GDF10: variants seen among roughly 807,000 people sequenced by gnomAD.
GDF10 encodes growth differentiation factor 10.
In GDF10, 23 loss-of-function variants were observed where a neutral mutation model predicts 32.1. The observed-to-expected ratio is 0.72, with a 90% CI of 0.52 to 1.02. The LOEUF (loss-of-function observed/expected upper bound fraction) is 1.02, where lower values mean the gene tolerates loss of function less well. GDF10 is among the 50% of genes least tolerant of loss of function. GDF10 has a pLI of 0.00. For synonymous variants in GDF10, 328 were observed against 303.1 expected (o/e 1.08, Z -0.85); for missense variants, 764 against 673.9 (o/e 1.13, Z -1.48).
Position 47,310,355 on chromosome 10 carries a change from G to T in GDF10, c.879G>T (p.Gln293His), listed in dbSNP as rs1013315553. ...ACCCCCGCGTGCGCCGAGCCGCGCAGGCCACTGGGCCCCTCCAGGACAACG... is the reference window on the plus strand; with the variant it reads ...ACCCCCGCGTGCGCCGAGCCGCGCATGCCACTGGGCCCCTCCAGGACAACG... ...SADPRVRRAA[Q>H]ATGPLQDNEL... The change falls in exon 2 of 3, where the codon CAG becomes CAT. Residue 293 changes from glutamine (Q) to histidine (H), a missense_variant. Coordinates refer to ENST00000580279, the MANE Select transcript of GDF10 (RefSeq NM_004962.5). 1.4e-5 allele frequency: 22 copies of T among 1,606,254 alleles called. No individual in the cohort carries two copies. The highest frequency in any genetic ancestry group is 1.7e-5 in the Non-Finnish European group (20 of 1,177,192).
At chr10:47,306,795 G>A (rs575034828) in intron 1 of GDF10, among the ~76,000 whole-genome samples, 36 of 152,216 alleles carry the variant, frequency 2.4e-4, no homozygotes, top group East Asian at 1.9e-4. Flanking sequence ...GGAAGGAAGC[G>A]TGAGGCACAG....
intron 2 of GDF10, among the ~76,000 whole-genome samples, chr10:47,311,075 C>T (rs1555207732): frequency 6.6e-6 from 1 of 152,202 alleles, no homozygotes; most frequent in Non-Finnish European, 1.5e-5. Context: ...CCTGTACACA[C>T]GGCAGGTCCC....
rs1555207533 is a variant in GDF10, at chr10:47,310,131, C to A, written c.655C>A (p.Leu219Met). 1 of 1,611,242 alleles carries A rather than the reference C, an allele frequency of 6.2e-7. No homozygotes were observed. Among genetic ancestry groups the A allele is most frequent in the Non-Finnish European group, 8.5e-7 (1 of 1,179,344 alleles). Residue 219 changes from leucine (L) to methionine (M), a missense_variant, in exon 2 of 3, where the codon CTG becomes ATG. Coordinates refer to ENST00000580279, the MANE Select transcript of GDF10 (RefSeq NM_004962.5). ...CAAGGCGGCCCGCCGGGATGGCGAG[C>A]TGCTCCTCTCCGCCCAGCTGGATTC... ...IVKAARRDGE[L>M]LLSAQLDSEE...
chr10:47,312,495 G>A (rs1038526037), intron 2 of GDF10, 106 bp from the exon 3 acceptor site: 14 of 572,880 alleles, frequency 2.4e-5, no homozygotes, highest in Non-Finnish European at 2.6e-5. Flanking sequence ...GGCCTCAGCC[G>A]GGGAACAACA....
At chr10:47,302,014 C>T (rs1462656358) in intron 1 of GDF10, among the ~76,000 whole-genome samples, 1 of 152,208 alleles carries the variant, frequency 6.6e-6, no homozygotes, top group Non-Finnish European at 1.5e-5. Flanking sequence ...CACAAAGAGG[C>T]CCCATGCCCT....
At chr10:47,303,789 T>C (rs2061012815) in intron 1 of GDF10, among the ~76,000 whole-genome samples, 1 of 152,324 alleles carries the variant, frequency 6.6e-6, no homozygotes, top group East Asian at 1.9e-4. Context: ...GAGTTGGTTT[T>C]CTTCATCTCT....
Position 47,300,659 on chromosome 10 carries a change from A to G in GDF10, c.8A>G (p.His3Arg). The change falls in exon 1 of 3, where the codon CAT becomes CGT. Residue 3 changes from histidine (H) to arginine (R), a missense_variant. Physicochemically the swap from His to Arg is conservative, Grantham distance 29. Transcript: ENST00000580279. MA[H>R]VPARTSPGPG... Reference sequence around the variant, plus strand: ...TGCCGCCCTCACCACGCCATGGCTCATGTCCCCGCTCGGACCAGCCCGGGA... The same window carrying G: ...TGCCGCCCTCACCACGCCATGGCTCGTGTCCCCGCTCGGACCAGCCCGGGA... 1.9e-6 allele frequency: 3 copies of G among 1,596,794 alleles called. No individual in the cohort carries two copies. Among genetic ancestry groups the G allele is most frequent in the East Asian group, 2.3e-5 (1 of 43,432 alleles).
At chr10:47,308,868 T>C (rs1555207321) in intron 1 of GDF10, among the ~76,000 whole-genome samples, 3 of 152,160 alleles carry the variant, frequency 2.0e-5, no homozygotes, top group African/African-American at 7.2e-5. Flanking sequence ...TATATAATAA[T>C]GTTTAGGCGA....
rs1555207540 is a variant in GDF10, at chr10:47,310,163, G to C, written c.687G>C (p.Glu229Asp). 1.2e-6 allele frequency: 2 copies of C among 1,611,898 alleles called. No individual in the cohort carries two copies. The highest frequency in any genetic ancestry group is 1.1e-5 in the South Asian group (1 of 90,998). The change falls in exon 2 of 3, where the codon GAG becomes GAC. Residue 229 changes from glutamate to aspartate, a missense_variant. Glu to Asp is a conservative substitution (Grantham distance 45). Coordinates refer to ENST00000580279, the MANE Select transcript of GDF10 (RefSeq NM_004962.5). The stretch of plus-strand genomic sequence containing the variant: ...TCTCCGCCCAGCTGGATTCTGAGGA[G>C]AGGGACCCGGGGGTGCCCCGGCCCA... ...LLLSAQLDSE[E>D]RDPGVPRPSP...
At chr10:47,301,815 C>G (rs1251352673) in intron 1 of GDF10, among the ~76,000 whole-genome samples, 1 of 152,154 alleles carries the variant, frequency 6.6e-6, no homozygotes, top group Non-Finnish European at 1.5e-5. Context: ...GTGGGGGTCT[C>G]CTGCAGCTCT....
At position 47,310,175 on chromosome 10, in the gene GDF10, G is replaced by T. The variant is rs2061039259; in HGVS notation, c.699G>T (p.Gly233=). The T allele has an allele frequency of 6.2e-7, 1 of 1,611,772 alleles. No individual in the cohort carries two copies. The highest frequency in any genetic ancestry group is 1.3e-5 in the African/African-American group (1 of 74,906). Residue 233 remains glycine, a synonymous_variant, in exon 2 of 3, where the codon GGG becomes GGT. Transcript: ENST00000580279. ...AQLDSEERDP[G]VPRPSPYAPY... ...TGGATTCTGAGGAGAGGGACCCGGG[G>T]GTGCCCCGGCCCAGCCCCTATGCGC...
intron 1 of GDF10, among the ~76,000 whole-genome samples, chr10:47,308,887 T>C (rs1415922187): frequency 1.3e-5 from 2 of 152,188 alleles, no homozygotes; most frequent in African/African-American, 4.8e-5. Context: ...GATTCAAACC[T>C]GACACAATAC....
chr10:47,310,079 G>T lies in GDF10; in HGVS notation c.603G>T (p.Trp201Cys), dbSNP rs1555207494. 6.2e-7 allele frequency: 1 copy of T among 1,607,062 alleles called. No individual in the cohort carries two copies. Among genetic ancestry groups the T allele is most frequent in the Non-Finnish European group, 8.5e-7 (1 of 1,177,708 alleles). ...TGGCGCCCCCACCGCGCGGCCTGTG[G>T]CAGGCCAAGGACATCTCCCCCATCG... is the stretch of plus-strand genomic sequence containing the variant. ...MALAPPPRGL[W>C]QAKDISPIVK... Residue 201 changes from tryptophan (W) to cysteine (C), a missense_variant, in exon 2 of 3, where the codon TGG becomes TGT. Trp to Cys is a radical substitution (Grantham distance 215). Transcript: ENST00000580279.
chr10:47,312,434 G>A (rs1206582274), intron 2 of GDF10, among the ~76,000 whole-genome samples, 167 bp from the exon 3 acceptor site: 2 of 152,210 alleles, frequency 1.3e-5, no homozygotes, highest in African/African-American at 2.4e-5. Context: ...GAGGAACCGT[G>A]TGCCCCGCCT....
At chr10:47,312,573 G>T (rs1555207858) in intron 2 of GDF10, 28 bp from the exon 3 acceptor site, 2 of 1,508,026 alleles carry the variant, frequency 1.3e-6, no homozygotes, top group Admixed American at 3.7e-5. Context: ...CGGAGCTGAG[G>T]TAACCCTACT....
intron 2 of GDF10, 147 bp downstream of exon 2, chr10:47,310,868 C>T: frequency 1.6e-6 from 1 of 625,688 alleles, no homozygotes; most frequent in South Asian, 1.9e-5. Context: ...AATAGGTAGA[C>T]ATAGGTCACC....
At chr10:47,308,190 A>T (rs968758825) in intron 1 of GDF10, among the ~76,000 whole-genome samples, 5 of 152,108 alleles carry the variant, frequency 3.3e-5, no homozygotes, top group Non-Finnish European at 7.4e-5. Context: ...TGACTTCCCA[A>T]ACTTCCCTGA....
intron 1 of GDF10, 103 bp from the exon 2 acceptor site, chr10:47,309,693 G>C: frequency 1.4e-6 from 1 of 732,764 alleles, no homozygotes; most frequent in South Asian, 1.7e-5. Context: ...GGATGGTCCT[G>C]AAAGTGTGGA....
chr10:47,300,838 G>A lies in GDF10; in HGVS notation c.187G>A (p.Ala63Thr). 19 of 1,575,934 alleles carry A rather than the reference G, an allele frequency of 1.2e-5. No homozygotes were observed. Among genetic ancestry groups the A allele is most frequent in the Non-Finnish European group, 1.5e-5 (17 of 1,168,464 alleles). ...DRDLQRHPGD[A>T]AATLGPSAQD... The stretch of plus-strand genomic sequence containing the variant: ...GGATCTCCAGCGGCACCCTGGGGAC[G>A]CGGCCGCCACGTTGGGCCCCAGCGC... The change falls in exon 1 of 3, where the codon GCG becomes ACG. Residue 63 changes from alanine (A) to threonine (T), a missense_variant. Ala to Thr is a moderately conservative substitution (Grantham distance 58). Coordinates refer to ENST00000580279, the MANE Select transcript of GDF10 (RefSeq NM_004962.5).
Sources: allele counts gnomAD v4.1 joint callset (sites outside exome capture counted in the v4.1 genomes callset), GRCh38; gene constraint gnomAD v4.1.1; transcripts MANE v1.5; gene names NCBI Gene and HGNC (gene_info 2026-07-23, HGNC 2026-07-21).